The following ABRAXAS1 variants were observed in gnomAD, a reference collection of about 807,000 sequenced individuals.
ABRAXAS1 encodes abraxas 1, BRCA1 A complex subunit.
Under a neutral mutation model 38.4 loss-of-function variants are expected in ABRAXAS1, and 26 were observed. The ratio of observed to expected loss-of-function variants is 0.68; its 90% confidence interval spans 0.50 to 0.94. The LOEUF (loss-of-function observed/expected upper bound fraction) is 0.94. ABRAXAS1 is among the 40% of genes least tolerant of loss of function. The pLI is 0.00. For synonymous variants in ABRAXAS1, 144 were observed against 165.5 expected (o/e 0.87, Z 1.00); for missense variants, 438 against 481.9 (o/e 0.91, Z 0.85).
chr4:83,464,300 T>C (rs1722263958), intron 7 of ABRAXAS1, among the ~76,000 whole-genome samples: 1 of 152,242 alleles, frequency 6.6e-6, no homozygotes, highest in South Asian at 2.1e-4. Flanking sequence ...TATCTTACTA[T>C]TACGAAAGGA....
chr4:83,462,585 C>T lies in ABRAXAS1; in HGVS notation c.1114G>A (p.Ala372Thr). 1 of 1,614,092 alleles carries T rather than the reference C, an allele frequency of 6.2e-7. No individual in the cohort carries two copies. The highest frequency in any genetic ancestry group is 8.5e-7 in the Non-Finnish European group (1 of 1,179,990). The change falls in exon 9 of 9, where the codon GCA becomes ACA. Residue 372 changes from alanine (A) to threonine (T), a missense_variant. Ala to Thr is a moderately conservative substitution (Grantham distance 58). Transcript: ENST00000321945. ...LLDTQDKRSK[A>T]DTGSSNQDKA... ...TCTTGGTTACTACTACCAGTATCTG[C>T]TTTAGATCGTTTGTCTTGTGTATCT... is the stretch of plus-strand genomic sequence containing the variant.
In ABRAXAS1 at chr4:83,470,803, ATAAGT is replaced by A. The variant is rs555786087; in HGVS notation, c.283-412_283-408del. On this transcript the variant is annotated intron_variant, in intron 4 of 8. Transcript: ENST00000321945. ...CCTGTATGGACACTTGGTTTGTTAA[ATAAGT>A]TAAGCTGAACCCTACAGCTTTTACC... Among the ~76,000 whole-genome samples the A allele has an allele frequency of 1.9e-4, 29 of 152,368 alleles. No homozygotes were observed. The East Asian group carries it at 3.5e-3, about 18-fold the overall frequency.
Position 83,462,625 on chromosome 4 carries a change from C to T in ABRAXAS1, c.1074G>A (p.Lys358=), listed in dbSNP as rs1272784538. The T allele has an allele frequency of 3.1e-6, 5 of 1,614,108 alleles. No individual in the cohort carries two copies. The highest frequency in any genetic ancestry group is 4.2e-6 in the Non-Finnish European group (5 of 1,180,024). Residue 358 remains lysine (K), a synonymous_variant, in exon 9 of 9, where the codon AAG becomes AAA. Coordinates refer to ENST00000321945, the MANE Select transcript of ABRAXAS1 (RefSeq NM_139076.3). ...CTTGTGTATCTAACAACCGAGATCT[C>T]TTGAATTGCCATCTGTCATCTAAGT... is the stretch of plus-strand genomic sequence containing the variant. ...ALDLDDRWQF[K]RSRLLDTQDK... is the part of the protein sequence containing the mutation.
intron 1 of ABRAXAS1, chr4:83,484,025 G>A: frequency 2.0e-6 from 2 of 983,156 alleles, no homozygotes; most frequent in Non-Finnish European, 2.4e-6. Flanking sequence ...GTGCCAAAGA[G>A]CAATTTTGTA....
rs779465708 is a variant in ABRAXAS1 at position 83,485,098 on chromosome 4, G to C, written c.-26C>G. The C allele has an allele frequency of 3.9e-6, 6 of 1,548,012 alleles. 1 individual carries two copies. The highest frequency in any genetic ancestry group is 2.4e-5 in the South Asian group (2 of 85,056). On this transcript the variant is annotated 5_prime_UTR_variant, in exon 1 of 9. Transcript: ENST00000321945. ...GCTACCGCCGCCTCAGGCTACACAA[G>C]AGGACGAGGGCGGGGCGCGCGGAGG...
intron 7 of ABRAXAS1, among the ~76,000 whole-genome samples, chr4:83,464,811 G>GA (rs1157751086): frequency 6.6e-6 from 1 of 152,120 alleles, no homozygotes; most frequent in Non-Finnish European, 1.5e-5. Flanking sequence ...AGTGGATGAA[G>GA]AAACAAAAAG....
chr4:83,464,173 T>TGAGA (rs1322951823), intron 7 of ABRAXAS1, among the ~76,000 whole-genome samples: 1 of 151,980 alleles, frequency 6.6e-6, no homozygotes, highest in Non-Finnish European at 1.5e-5. Context: ...GGCGACAGAG[T>TGAGA]GAGACCCTGT....
At chr4:83,471,217 TTTTTTTGA>T (rs1722579392) in intron 4 of ABRAXAS1, among the ~76,000 whole-genome samples, 2 of 87,730 alleles carry the variant, frequency 2.3e-5, no homozygotes, top group Admixed American at 1.3e-4. Flanking sequence ...TTTTTTTTTT[TTTTTTTGA>T]GACAGTCTGG....
At position 83,461,319 on chromosome 4, in the gene ABRAXAS1, C is replaced by T; in HGVS notation, c.*1150G>A. The T allele has an allele frequency of 2.7e-6, 2 of 743,016 alleles. No homozygotes were observed. The highest frequency in any genetic ancestry group is 4.7e-6 in the Non-Finnish European group (2 of 424,586). 46.0% of individuals were successfully genotyped at this position (743,016 alleles called of 1,614,324 possible). A position where few individuals can be genotyped will look rare whatever the true frequency, so the allele number is the denominator to read the frequency against. On this transcript the variant is annotated 3_prime_UTR_variant, in exon 9 of 9. Transcript: ENST00000321945. Reference sequence around the variant, plus strand: ...AGGAGTGAGGTAAAGAATGACACTTCCCCTTCATACCAATGTCCATTAAGC... The same window carrying T: ...AGGAGTGAGGTAAAGAATGACACTTTCCCTTCATACCAATGTCCATTAAGC...
chr4:83,478,162 C>CT (rs1217945324), intron 2 of ABRAXAS1: 1 of 745,786 alleles, frequency 1.3e-6, no homozygotes, highest in African/African-American at 1.7e-5. Flanking sequence ...CTTTAACTCA[C>CT]TTTGTTTCCA....
chr4:83,478,223 G>C, intron 2 of ABRAXAS1: 1 of 687,046 alleles, frequency 1.5e-6, no homozygotes, highest in Non-Finnish European at 2.8e-6. Context: ...AGGTGATGTG[G>C]CAGGCACTCA....
intron 3 of ABRAXAS1, among the ~76,000 whole-genome samples, chr4:83,476,400 C>T (rs184065616): frequency 2.0e-5 from 3 of 152,122 alleles, no homozygotes; most frequent in Admixed American, 6.5e-5. Context: ...CAATTCTCAA[C>T]GTAAACTGGT....
At chr4:83,467,348 C>T in intron 7 of ABRAXAS1, 106 bp downstream of exon 7, 4 of 708,036 alleles carry the variant, frequency 5.6e-6, no homozygotes, top group Non-Finnish European at 1.0e-5. Flanking sequence ...CAACTCATAA[C>T]TGTATAAATC....
intron 1 of ABRAXAS1, 145 bp downstream of exon 1, chr4:83,484,841 G>T (rs770634632): frequency 1.7e-6 from 1 of 579,106 alleles, no homozygotes. Flanking sequence ...ACCGCTGAGG[G>T]GGAGAGAAGG....
Position 83,472,300 on chromosome 4 carries a change from A to C in ABRAXAS1, c.216-12T>G. Reference sequence around the variant, plus strand: ...AAGAATTATAAAAGCTGTAAAAGCCAAAATTAAAGGTATTTCAAATACGCT... The same window carrying C: ...AAGAATTATAAAAGCTGTAAAAGCCCAAATTAAAGGTATTTCAAATACGCT... On this transcript the variant is annotated splice_polypyrimidine_tract_variant and intron_variant, in intron 3 of 8. Transcript: ENST00000321945. 6.8e-7 allele frequency: 1 copy of C among 1,469,902 alleles called. No individual in the cohort carries two copies. Among genetic ancestry groups the C allele is most frequent in the Non-Finnish European group, 9.1e-7 (1 of 1,098,116 alleles). The allele number at this position is 1,469,902 out of a possible 1,614,324, so 91.1% of individuals were successfully genotyped here. A position where few individuals can be genotyped will look rare whatever the true frequency, so the allele number is the denominator to read the frequency against.
In ABRAXAS1 at chr4:83,462,905, A is replaced by G. The variant is rs971707943; in HGVS notation, c.797-3T>C. ...GTCTTTTTGGATGTTCTTCTCTCCT[A>G]AACAAAATAGAATAACAGTTCAACA... On this transcript the variant is annotated splice_region_variant and splice_polypyrimidine_tract_variant and intron_variant, in intron 8 of 8. Coordinates refer to ENST00000321945, the MANE Select transcript of ABRAXAS1 (RefSeq NM_139076.3). The G allele has an allele frequency of 3.2e-6, 5 of 1,542,904 alleles. No individual in the cohort carries two copies. Among genetic ancestry groups the G allele is most frequent in the Middle Eastern group, 1.7e-4 (1 of 5,722 alleles).
chr4:83,459,786 G>A lies in ABRAXAS1; in HGVS notation c.*2683C>T. 1 of 1,607,208 alleles carries A rather than the reference G, an allele frequency of 6.2e-7. No individual in the cohort carries two copies. The highest frequency in any genetic ancestry group is 8.5e-7 in the Non-Finnish European group (1 of 1,175,324). ...CCATTTACTGGATGCATTTATGGAAGGCACATTACAGGTATGTTCTTTTTT... is the reference window on the plus strand; with the variant it reads ...CCATTTACTGGATGCATTTATGGAAAGCACATTACAGGTATGTTCTTTTTT... On this transcript the variant is annotated 3_prime_UTR_variant, in exon 9 of 9. Transcript: ENST00000321945.
chr4:83,484,975 C>T lies in ABRAXAS1; in HGVS notation c.87+11G>A, dbSNP rs1030112327. ...AGGCGACGCCGGACCCCGCCCCGTC[C>T]CTCGGCTCACCGTGTCCGAGTCCGT... On this transcript the variant is annotated intron_variant, in intron 1 of 8. Transcript: ENST00000321945. 7 of 1,568,696 alleles carry T rather than the reference C, an allele frequency of 4.5e-6. No individual in the cohort carries two copies. In the African/African-American group the frequency reaches 9.8e-5, roughly 22 times the overall value.
chr4:83,475,827 G>A (rs1415549644), intron 3 of ABRAXAS1, among the ~76,000 whole-genome samples: 2 of 152,186 alleles, frequency 1.3e-5, no homozygotes, highest in Non-Finnish European at 2.9e-5. Context: ...AATACACAAT[G>A]TATTAGAGTT....
Sources: gnomAD v4.1 joint callset for allele counts (sites outside exome capture counted in the v4.1 genomes callset) on GRCh38, gnomAD v4.1.1 for gene constraint, MANE v1.5 for transcripts, NCBI Gene and HGNC (gene_info 2026-07-23, HGNC 2026-07-21) for gene names.